NCAM2: variants seen among roughly 807,000 people sequenced by gnomAD.
The protein encoded by NCAM2 is neural cell adhesion molecule 2, also known as N-CAM-2.
In NCAM2, 30 loss-of-function variants were observed where a neutral mutation model predicts 98.1. The ratio of observed to expected loss-of-function variants is 0.31; its 90% CI spans 0.23 to 0.41. The LOEUF is 0.41. Among genes scored for constraint, NCAM2 ranks in the 10% least tolerant of loss-of-function variants. NCAM2 has a pLI of 1.00. For synonymous variants in NCAM2, 368 were observed against 342.4 expected (o/e 1.07, Z -0.83); for missense variants, 867 against 1,005.8 (o/e 0.86, Z 1.87).
chr21:21,018,075 G>T (rs2064353646), intron 1 of NCAM2, among the ~76,000 whole-genome samples: 1 of 152,174 alleles, frequency 6.6e-6, no homozygotes, highest in South Asian at 2.1e-4. Context: ...AGAAGCAAAT[G>T]TACTTCATTC....
rs115786234 is a variant in NCAM2, at chr21:21,207,889, C to G, written c.56-72689C>G. ...ATCAGGGCAATACAGATGCTTTAGTCTCTTCCTTTTCATATGACTTGTCAA... is the reference window on the plus strand; with the variant it reads ...ATCAGGGCAATACAGATGCTTTAGTGTCTTCCTTTTCATATGACTTGTCAA... On this transcript the variant is annotated intron_variant, in intron 1 of 17. Transcript: ENST00000400546. Among the ~76,000 whole-genome samples the G allele has an allele frequency of 3.2e-3, 482 of 152,270 alleles. 1 individual carries two copies. The highest frequency in any genetic ancestry group is 0.011 in the African/African-American group (464 of 41,556).
chr21:21,312,388 T>C (rs1371874019), intron 5 of NCAM2, among the ~76,000 whole-genome samples: 1 of 151,194 alleles, frequency 6.6e-6, no homozygotes, highest in East Asian at 1.9e-4. Flanking sequence ...TTCAATTAAT[T>C]TATCCACCTA....
At chr21:21,015,263 C>T (rs570753065) in intron 1 of NCAM2, among the ~76,000 whole-genome samples, 7 of 152,256 alleles carry the variant, frequency 4.6e-5, no homozygotes, top group East Asian at 3.9e-4. Context: ...AGGTCAAACA[C>T]GATCAAACAA....
At chr21:21,425,105 G>A (rs2077188015) in intron 11 of NCAM2, among the ~76,000 whole-genome samples, 2 of 147,372 alleles carry the variant, frequency 1.4e-5, no homozygotes, top group African/African-American at 5.0e-5. Context: ...ATACAACGAG[G>A]GAAATTTGGA....
chr21:21,506,411 G>C (rs1478846628), intron 15 of NCAM2, among the ~76,000 whole-genome samples: 1 of 151,966 alleles, frequency 6.6e-6, no homozygotes, highest in Non-Finnish European at 1.5e-5. Context: ...TTTATATTTG[G>C]AAATGGATAA....
At chr21:21,481,093 C>G (rs1052805185) in intron 15 of NCAM2, among the ~76,000 whole-genome samples, 1 of 152,142 alleles carries the variant, frequency 6.6e-6, no homozygotes, top group Non-Finnish European at 1.5e-5. Flanking sequence ...AGGGTAAACC[C>G]GTCTAAGCAA....
rs73896615 is a variant in NCAM2, at chr21:21,231,206, G to A, written c.56-49372G>A. Among the ~76,000 whole-genome samples, 308 of 151,374 alleles carry A rather than the reference G, an allele frequency of 2.0e-3. 2 individuals are homozygous for A. The highest frequency in any genetic ancestry group is 7.0e-3 in the African/African-American group (290 of 41,466). Reference sequence around the variant, plus strand: ...AAGCTATAGAGCTGATTTAGTAGATGAGGGAGCAGTAAATTTAGCAGAATT... The same window carrying A: ...AAGCTATAGAGCTGATTTAGTAGATAAGGGAGCAGTAAATTTAGCAGAATT... On this transcript the variant is annotated intron_variant, in intron 1 of 17. Transcript: ENST00000400546.
At chr21:21,443,205 T>C (rs1490204685) in intron 12 of NCAM2, among the ~76,000 whole-genome samples, 1 of 152,100 alleles carries the variant, frequency 6.6e-6, no homozygotes, top group Non-Finnish European at 1.5e-5. Flanking sequence ...ATGTTCTCAC[T>C]CATAAGTGGG....
intron 6 of NCAM2, among the ~76,000 whole-genome samples, chr21:21,325,967 G>A (rs2074500406): frequency 6.6e-6 from 1 of 152,144 alleles, no homozygotes; most frequent in South Asian, 2.1e-4. Context: ...TAGCTGGTAG[G>A]AAAGTACAGG....
intron 1 of NCAM2, among the ~76,000 whole-genome samples, chr21:21,074,102 A>T (rs1171527275): frequency 6.6e-6 from 1 of 152,138 alleles, no homozygotes; most frequent in African/African-American, 2.4e-5. Context: ...ACACATCCAT[A>T]ATTATGTAAT....
At position 21,153,778 on chromosome 21, in the gene NCAM2, A is replaced by G. The variant is rs895974600; in HGVS notation, c.56-126800A>G. Among the ~76,000 whole-genome samples the G allele has an allele frequency of 9.2e-5, 14 of 151,970 alleles. No homozygotes were observed. In the East Asian group the frequency reaches 1.9e-3, roughly 21 times the overall value. Reference sequence around the variant, plus strand: ...GAGCTATGATGGAAAAGTACATTCAATCTATTAAGGGGTTTTGCAGTAAGA... The same window carrying G: ...GAGCTATGATGGAAAAGTACATTCAGTCTATTAAGGGGTTTTGCAGTAAGA... On this transcript the variant is annotated intron_variant, in intron 1 of 17. Coordinates refer to ENST00000400546, the MANE Select transcript of NCAM2 (RefSeq NM_004540.5).
At chr21:21,485,674 A>G (rs569985275) in intron 15 of NCAM2, among the ~76,000 whole-genome samples, 6 of 152,308 alleles carry the variant, frequency 3.9e-5, no homozygotes, top group African/African-American at 1.4e-4. Context: ...TTAACAAGTG[A>G]CTTTTACTAC....
chr21:21,361,024 G>A (rs73232049), intron 8 of NCAM2, among the ~76,000 whole-genome samples: 7 of 151,970 alleles, frequency 4.6e-5, no homozygotes, highest in African/African-American at 1.4e-4. Flanking sequence ...GGAAACAGAA[G>A]AAAATCTTAA....
intron 1 of NCAM2, among the ~76,000 whole-genome samples, chr21:21,047,835 C>A (rs553171865): frequency 2.0e-5 from 3 of 152,162 alleles, no homozygotes; most frequent in Admixed American, 1.3e-4. Context: ...CAAATTCCTC[C>A]TTAAGAGGTC....
At chr21:21,456,443 G>A (rs1982158422) in intron 12 of NCAM2, among the ~76,000 whole-genome samples, 1 of 152,106 alleles carries the variant, frequency 6.6e-6, no homozygotes, top group Non-Finnish European at 1.5e-5. Context: ...TATAGTGCTA[G>A]CAATTCATGA....
intron 1 of NCAM2, among the ~76,000 whole-genome samples, chr21:21,080,407 G>A (rs950569290): frequency 6.6e-6 from 1 of 151,772 alleles, no homozygotes; most frequent in African/African-American, 2.4e-5. Flanking sequence ...ACCTGAGGTA[G>A]GGAGTTCAGG....
At chr21:21,364,356 T>C (rs1273584918) in intron 8 of NCAM2, among the ~76,000 whole-genome samples, 1 of 152,044 alleles carries the variant, frequency 6.6e-6, no homozygotes, top group Non-Finnish European at 1.5e-5. Context: ...TTTACCCTTC[T>C]TGAACTTCTC....
intron 16 of NCAM2, among the ~76,000 whole-genome samples, chr21:21,526,553 C>A (rs1367783827): frequency 6.6e-6 from 1 of 151,980 alleles, no homozygotes; most frequent in Non-Finnish European, 1.5e-5. Flanking sequence ...TCAGCTCTTC[C>A]CAACTTGATC....
Position 21,448,323 on chromosome 21 carries a change from A to G in NCAM2, c.1654+16042A>G, listed in dbSNP as rs1602371462. ...AAACCAAACACCTCATTTCTTACTC[A>G]TAAGTGGGAGATGAACAATGAGAAT... is the stretch of plus-strand genomic sequence containing the variant. On this transcript the variant is annotated intron_variant, in intron 12 of 17. Coordinates refer to ENST00000400546, the MANE Select transcript of NCAM2 (RefSeq NM_004540.5). Among the ~76,000 whole-genome samples, 4 of 152,126 alleles carry G rather than the reference A, an allele frequency of 2.6e-5. No homozygotes were observed. In the South Asian group the frequency reaches 6.2e-4, roughly 24 times the overall value.
Sources: allele counts gnomAD v4.1 joint callset (sites outside exome capture counted in the v4.1 genomes callset), GRCh38; gene constraint gnomAD v4.1.1; transcripts MANE v1.5; gene names NCBI Gene and HGNC (gene_info 2026-07-23, HGNC 2026-07-21).